The following OR6N1 variants were observed in gnomAD, a reference collection of about 807,000 sequenced individuals.
OR6N1 encodes olfactory receptor family 6 subfamily N member 1.
For synonymous variants in OR6N1, 170 were observed against 150.7 expected, an observed-to-expected ratio of 1.13 and a Z score of -0.94; for missense variants, 394 against 371.7, an observed-to-expected ratio of 1.06 and a Z score of -0.49.
the OR6N1 span, among the ~76,000 whole-genome samples, chr1:158,795,461 A>G: frequency 6.6e-6 from 1 of 151,932 alleles, no homozygotes; most frequent in East Asian, 1.9e-4. Context: ...GTTCACCCCT[A>G]CTCAGATTAT....
the OR6N1 span, among the ~76,000 whole-genome samples, chr1:158,799,085 T>C: frequency 1.3e-5 from 2 of 152,234 alleles, no homozygotes; most frequent in Admixed American, 6.5e-5. Context: ...ACTTTCAAAG[T>C]ATCTAATTTA....
At chr1:158,832,231 A>T in the OR6N1 span, among the ~76,000 whole-genome samples, 1 of 152,000 alleles carries the variant, frequency 6.6e-6, no homozygotes, top group African/African-American at 2.4e-5. Flanking sequence ...ATACATTTTG[A>T]CTTTTTTATG....
chr1:158,784,357 G>T, the OR6N1 span, among the ~76,000 whole-genome samples: 3 of 152,134 alleles, frequency 2.0e-5, no homozygotes, highest in Admixed American at 1.3e-4. Context: ...TATACATTGT[G>T]TAATAATCAA....
the OR6N1 span, among the ~76,000 whole-genome samples, chr1:158,830,690 A>G: frequency 3.9e-5 from 6 of 152,198 alleles, no homozygotes; most frequent in Non-Finnish European, 4.4e-5. Context: ...TTCAGTCATG[A>G]TATGAACCAA....
chr1:158,768,684 C>T (rs1571603382), intron 1 of OR6N1, among the ~76,000 whole-genome samples: 1 of 152,192 alleles, frequency 6.6e-6, no homozygotes, highest in African/African-American at 2.4e-5. Flanking sequence ...TAGCTCTTTC[C>T]TTGTTCTAGA....
chr1:158,783,960 G>T, the OR6N1 span, among the ~76,000 whole-genome samples: 47,412 of 151,900 alleles, frequency 0.31, 7,664 homozygotes, highest in South Asian at 0.57. Flanking sequence ...CAAAAAATTA[G>T]CCGGATATGG....
chr1:158,773,207 T>C (rs757827356), upstream of OR6N1, among the ~76,000 whole-genome samples: 6 of 152,200 alleles, frequency 3.9e-5, no homozygotes, highest in Non-Finnish European at 5.9e-5. Context: ...TGCCAGTATT[T>C]AATATTTTGT....
chr1:158,770,573 T>C, intron 1 of OR6N1, among the ~76,000 whole-genome samples: 1 of 152,248 alleles, frequency 6.6e-6, no homozygotes, highest in South Asian at 2.1e-4. Context: ...CACTTTCCAG[T>C]GGCCCCCATA....
chr1:158,832,592 GATT>G, the OR6N1 span, among the ~76,000 whole-genome samples: 3 of 150,528 alleles, frequency 2.0e-5, no homozygotes, highest in East Asian at 4.4e-4. Context: ...AGTAATAACA[GATT>G]ATATTTATAA....
chr1:158,773,676 C>T (rs1421454474), upstream of OR6N1, among the ~76,000 whole-genome samples: 2 of 152,102 alleles, frequency 1.3e-5, no homozygotes, highest in Non-Finnish European at 2.9e-5. Context: ...CCCATCTTCC[C>T]TCCCCCACCA....
chr1:158,777,053 T>C (rs1219197600), upstream of OR6N1: 5 of 1,614,014 alleles, frequency 3.1e-6, no homozygotes, highest in Non-Finnish European at 4.2e-6. Context: ...ACCAGAATGT[T>C]AGCAGATGTG....
At chr1:158,817,842 G>A in the OR6N1 span, among the ~76,000 whole-genome samples, 2,581 of 152,292 alleles carry the variant, frequency 0.017, 65 homozygotes, top group African/African-American at 0.059. Context: ...TTCTAATGCT[G>A]AGGGGCAGAG....
chr1:158,775,196 G>A (rs1657561304), upstream of OR6N1: 1 of 152,162 alleles, frequency 6.6e-6, no homozygotes, highest in African/African-American at 2.4e-5. Context: ...ATACTTCAGA[G>A]ATAAAAATGA....
At chr1:158,787,643 A>T in the OR6N1 span, among the ~76,000 whole-genome samples, 541 of 137,132 alleles carry the variant, frequency 3.9e-3, 2 homozygotes, top group African/African-American at 0.012. Flanking sequence ...TCTCACACAC[A>T]CACACACACA....
chr1:158,776,445 A>G (rs972520356), upstream of OR6N1: 3 of 364,574 alleles, frequency 8.2e-6, no homozygotes, highest in Middle Eastern at 7.1e-4. Context: ...CCTAGGAAAT[A>G]TACATGCTTT....
Position 158,766,557 on chromosome 1 carries a change from G to A in OR6N1, c.126C>T (p.Asn42=). ...GGCAGACCACCAGGAATATCAGCAG[G>A]TTTCCCAACACAGTCATGAGGTAAA... ...LLIYLMTVLG[N]LLIFLVVCLD... is the part of the protein sequence containing the mutation. Residue 42 remains asparagine (N), a synonymous_variant, in exon 2 of 2, where the codon AAC becomes AAT. Transcript: ENST00000641846. The A allele has an allele frequency of 1.2e-6, 2 of 1,614,074 alleles. No individual in the cohort carries two copies. The highest frequency in any genetic ancestry group is 2.2e-5 in the South Asian group (2 of 91,072).
In OR6N1 at chr1:158,772,113, A is replaced by T. The variant is rs7513257; in HGVS notation, c.-111T>A. The T allele has an allele frequency of 0.3, 46,329 of 152,114 alleles. 7,690 individuals carry two copies. Among genetic ancestry groups the T allele is most frequent in the African/African-American group, 0.41 (17,047 of 41,458 alleles). The allele number at this position is 152,114 out of a possible 1,614,324, so 9.4% of individuals were successfully genotyped here. A position where few individuals can be genotyped will look rare whatever the true frequency, so the allele number is the denominator to read the frequency against. ...CCGAAGTTTGAAGAGAACTTCCTGT[A>T]TACTTCCTATGTCTCATTTGCAGTA... On this transcript the variant is annotated 5_prime_UTR_variant, in exon 1 of 2. The change creates a premature stop within an existing upstream ORF in the 5' untranslated region. Transcript: ENST00000641846.
the OR6N1 span, among the ~76,000 whole-genome samples, chr1:158,818,894 C>T: frequency 6.6e-6 from 1 of 152,166 alleles, no homozygotes; most frequent in East Asian, 1.9e-4. Context: ...TCATAAAGAA[C>T]ATGAGAGCTA....
At chr1:158,816,609 G>C in the OR6N1 span, among the ~76,000 whole-genome samples, 1 of 152,128 alleles carries the variant, frequency 6.6e-6, no homozygotes, top group Non-Finnish European at 1.5e-5. Context: ...AGAATGGCTT[G>C]AGCCCAGAAG....
Sources: gnomAD v4.1 joint callset for allele counts (sites outside exome capture counted in the v4.1 genomes callset) on GRCh38, gnomAD v4.1.1 for gene constraint, MANE v1.5 for transcripts, NCBI Gene and HGNC (gene_info 2026-07-23, HGNC 2026-07-21) for gene names.